MIER1: variants seen among roughly 807,000 people sequenced by gnomAD.
MIER1 encodes the protein MIER1 transcriptional regulator.
MIER1 carries 40 observed loss-of-function variants against 75.7 expected under a neutral mutation model. That is an observed-to-expected ratio of 0.53 (90% confidence interval 0.41 to 0.69). MIER1 has a LOEUF of 0.69. MIER1 is among the 30% of genes least tolerant of loss of function. The pLI is 0.00. For missense variants in MIER1, 574 were observed against 680.2 expected, an observed-to-expected ratio of 0.84 and a Z score of 1.74; for synonymous variants, 213 against 223.4, an observed-to-expected ratio of 0.95 and a Z score of 0.42.
rs1262921585 is a variant in MIER1 at position 66,985,890 on chromosome 1, C to T, written c.*990C>T. ...GAGAATTCTGAAATTAAGCATGATG[C>T]TTAGATTGCAGTTTGTTTTGCATTT... On this transcript the variant is annotated 3_prime_UTR_variant, in exon 14 of 14. Coordinates refer to ENST00000401041, the MANE Select transcript of MIER1 (RefSeq NM_001077700.3). 1 of 941,894 alleles carries T rather than the reference C, an allele frequency of 1.1e-6. No homozygotes were observed. The highest frequency in any genetic ancestry group is 1.2e-4 in the East Asian group (1 of 8,292). 58.3% of individuals were successfully genotyped at this position (941,894 alleles called of 1,614,324 possible).
chr1:66,955,850 G>A (rs1429784392), intron 4 of MIER1, among the ~76,000 whole-genome samples: 1 of 152,094 alleles, frequency 6.6e-6, no homozygotes, highest in Non-Finnish European at 1.5e-5. Context: ...ATTTTGGGGT[G>A]CAGGATATGA....
chr1:66,930,491 C>A, intron 2 of MIER1: 1 of 1,354,092 alleles, frequency 7.4e-7, no homozygotes, highest in East Asian at 2.6e-5. Flanking sequence ...CCAGGAGAGG[C>A]CCGGCCCTGC....
rs565279966 is a variant in MIER1 at position 66,930,773 on chromosome 1, A to C, written c.168+4531A>C. Among the ~76,000 whole-genome samples the C allele has an allele frequency of 2.0e-5, 3 of 152,192 alleles. No homozygotes were observed. In the South Asian group the frequency reaches 6.2e-4, roughly 32 times the overall value. On this transcript the variant is annotated intron_variant, in intron 2 of 13. Transcript: ENST00000401041. ...CTCTTGCGAAGTTTTTTCCCTTCCT[A>C]ACCGAGATGCTGTTGCGCCCTTCCG...
In MIER1 at chr1:66,971,740, A is replaced by G. The variant is rs772461270; in HGVS notation, c.1006+4A>G. ...TTTAATGTAAAAGCAGCTAGAGGTA[A>G]GTATAGTTTTTATTCATTTTCATGA... On this transcript the variant is annotated splice_donor_region_variant and intron_variant, in intron 10 of 13. Transcript: ENST00000401041. 1 of 1,412,486 alleles carries G rather than the reference A, an allele frequency of 7.1e-7. No homozygotes were observed. The highest frequency in any genetic ancestry group is 1.2e-5 in the South Asian group (1 of 80,204). 87.5% of individuals were successfully genotyped at this position (1,412,486 alleles called of 1,614,324 possible).
chr1:66,957,587 G>GTTTTTTTTTTTTT (rs770503779), intron 4 of MIER1, among the ~76,000 whole-genome samples: 2 of 99,266 alleles, frequency 2.0e-5, no homozygotes, highest in East Asian at 5.9e-4. Flanking sequence ...GTTTGTTTGT[G>GTTTTTTTTTTTTT]TTTTTTTTTT....
intron 8 of MIER1, among the ~76,000 whole-genome samples, chr1:66,967,168 A>G (rs1400572616): frequency 6.6e-6 from 1 of 152,100 alleles, no homozygotes; most frequent in Non-Finnish European, 1.5e-5. Context: ...TCTTTAATCT[A>G]TTTTGGTTTT....
intron 13 of MIER1, among the ~76,000 whole-genome samples, chr1:66,982,658 A>C (rs1379634377): frequency 3.9e-5 from 6 of 152,242 alleles, no homozygotes; most frequent in Non-Finnish European, 2.9e-5. Flanking sequence ...GGAGAGTACC[A>C]GTGAAGAGCT....
chr1:66,932,329 G>A (rs1226495015), intron 2 of MIER1, among the ~76,000 whole-genome samples: 1 of 151,888 alleles, frequency 6.6e-6, no homozygotes, highest in Non-Finnish European at 1.5e-5. Context: ...GTTTTTATTT[G>A]GTTTTTAGTG....
chr1:66,957,183 A>C (rs1178793308), intron 4 of MIER1, among the ~76,000 whole-genome samples: 1 of 152,146 alleles, frequency 6.6e-6, no homozygotes, highest in African/African-American at 2.4e-5. Flanking sequence ...GATGCTGTGC[A>C]TTTCTTGTTT....
chr1:66,956,796 A>G (rs575465978), intron 4 of MIER1, among the ~76,000 whole-genome samples: 1 of 152,378 alleles, frequency 6.6e-6, no homozygotes, highest in East Asian at 1.9e-4. Context: ...GGGAAATAGA[A>G]GTTTTGGATG....
At chr1:66,979,362 A>G (rs1225049417) in intron 12 of MIER1, among the ~76,000 whole-genome samples, 3 of 152,206 alleles carry the variant, frequency 2.0e-5, no homozygotes, top group Non-Finnish European at 2.9e-5. Flanking sequence ...GTCAAAATCC[A>G]TAATTCAGAG....
rs532839538 is a variant in MIER1, at chr1:66,970,103, A to G, written c.773-705A>G. On this transcript the variant is annotated intron_variant, in intron 8 of 13. Transcript: ENST00000401041. The stretch of plus-strand genomic sequence containing the variant: ...TTTTCTTCTTATCATTTGGAATTCC[A>G]CAGGCTTTGTCTTAGGTCATCCTCC... Among the ~76,000 whole-genome samples, 6 of 152,286 alleles carry G rather than the reference A, an allele frequency of 3.9e-5. No homozygotes were observed. In the South Asian group the frequency reaches 8.3e-4, roughly 21 times the overall value.
intron 2 of MIER1, among the ~76,000 whole-genome samples, chr1:66,933,027 A>C (rs1365873532): frequency 1.3e-5 from 2 of 152,192 alleles, no homozygotes; most frequent in African/African-American, 4.8e-5. Flanking sequence ...TTGTGATAAC[A>C]TTAAAGCCGT....
At chr1:66,972,239 T>TATATATATATATATATATATATACACTAC (rs1558100018) in intron 10 of MIER1, among the ~76,000 whole-genome samples, 7 of 68,866 alleles carry the variant, frequency 1.0e-4, no homozygotes, top group African/African-American at 5.1e-4. Flanking sequence ...ACACTACATA[T>TATATATATATATATATATATATACACTAC]ATATATATAT....
Position 66,986,777 on chromosome 1 carries a change from T to G in MIER1, c.*1877T>G. 1 of 242,698 alleles carries G rather than the reference T, an allele frequency of 4.1e-6. No individual in the cohort carries two copies. Among genetic ancestry groups the G allele is most frequent in the Non-Finnish European group, 7.9e-6 (1 of 127,310 alleles). 15.0% of individuals were successfully genotyped at this position (242,698 alleles called of 1,614,324 possible). On this transcript the variant is annotated 3_prime_UTR_variant, in exon 14 of 14. Coordinates refer to ENST00000401041, the MANE Select transcript of MIER1 (RefSeq NM_001077700.3). ...TTGTTGTTTTTGTTTTACTTAAAAC[T>G]TTTAATTTATCCAGAATGGCAGTAG...
intron 2 of MIER1, among the ~76,000 whole-genome samples, chr1:66,930,631 AG>A (rs1652993832): frequency 6.6e-6 from 1 of 150,646 alleles, no homozygotes; most frequent in Non-Finnish European, 1.5e-5. Context: ...GGCAGTTTGA[AG>A]GGTAGTGCAG....
intron 7 of MIER1, 144 bp downstream of exon 7, chr1:66,959,887 G>A (rs1467432793): frequency 5.1e-6 from 2 of 391,088 alleles, no homozygotes; most frequent in Non-Finnish European, 9.3e-6. Context: ...TTTGGTAAAT[G>A]TTCAGATTCC....
At chr1:66,951,025 T>C (rs935790660) in intron 4 of MIER1, among the ~76,000 whole-genome samples, 1 of 152,206 alleles carries the variant, frequency 6.6e-6, no homozygotes, top group African/African-American at 2.4e-5. Flanking sequence ...TCTTAATGAC[T>C]AACCTCCTGA....
chr1:66,946,968 G>A (rs1395958059), intron 4 of MIER1: 2 of 985,416 alleles, frequency 2.0e-6, no homozygotes, highest in Non-Finnish European at 1.2e-6. Context: ...TTGGCAGTTT[G>A]TGATTCTCAG....
Sources: allele counts gnomAD v4.1 joint callset (sites outside exome capture counted in the v4.1 genomes callset), GRCh38; gene constraint gnomAD v4.1.1; transcripts MANE v1.5; gene names NCBI Gene and HGNC (gene_info 2026-07-23, HGNC 2026-07-21).